SLC1A6: variants seen among roughly 807,000 people sequenced by gnomAD.
SLC1A6 encodes solute carrier family 1 member 6, also known as excitatory amino acid transporter 4.
A neutral mutation model predicts 42.1 loss-of-function variants in SLC1A6; 15 were observed. That is an observed-to-expected ratio of 0.36 (90% confidence interval 0.24 to 0.55). SLC1A6 has a LOEUF of 0.55. Ranked by LOEUF, SLC1A6 falls within the 20% of genes least tolerant of loss-of-function variation. SLC1A6 has a pLI of 0.88. For synonymous variants in SLC1A6, 317 were observed against 319.7 expected, an observed-to-expected ratio of 0.99 and a Z score of 0.09; for missense variants, 542 against 772.5, an observed-to-expected ratio of 0.70 and a Z score of 3.54.
chr19:14,958,934 T>C (rs192536422), intron 6 of SLC1A6, among the ~76,000 whole-genome samples: 2 of 152,332 alleles, frequency 1.3e-5, no homozygotes, highest in East Asian at 1.9e-4. Context: ...GTTCCTTATA[T>C]GAAGAAAGTA....
Sources: gnomAD v4.1 joint callset for allele counts (sites outside exome capture counted in the v4.1 genomes callset) on GRCh38, gnomAD v4.1.1 for gene constraint, MANE v1.5 for transcripts, NCBI Gene and HGNC (gene_info 2026-07-23, HGNC 2026-07-21) for gene names.